The following LHX6 variants were observed in gnomAD, a reference collection of about 807,000 sequenced individuals.
LHX6 encodes LIM/homeobox protein Lhx6.
A neutral mutation model predicts 47.1 loss-of-function variants in LHX6; 15 were observed. The observed-to-expected ratio is 0.32, with a 90% CI of 0.21 to 0.49. The LOEUF is 0.49. Ranked by LOEUF, LHX6 falls within the 20% of genes least tolerant of loss-of-function variation. The pLI, the probability that LHX6 is intolerant of heterozygous loss-of-function variation, is 0.99. For missense variants in LHX6, 404 were observed against 539.6 expected, an observed-to-expected ratio of 0.75 and a Z score of 2.49; for synonymous variants, 242 against 233.5, an observed-to-expected ratio of 1.04 and a Z score of -0.33.
rs761385333 is a variant in LHX6 at position 122,204,837 on chromosome 9, C to T, written c.1159-57G>A. On this transcript the variant is annotated intron_variant, in intron 9 of 9. Coordinates refer to ENST00000394319, the MANE Select transcript of LHX6 (RefSeq NM_014368.5). ...CTGGGGGCCTGCCCCACCCTGCTGC[C>T]CCCCAGAGAACCTCAAAGGCACAGA... 4.7e-4 allele frequency: 600 copies of T among 1,289,272 alleles called. 4 individuals are homozygous for T. Among genetic ancestry groups the T allele is most frequent in the Middle Eastern group, 5.7e-4 (3 of 5,252 alleles). 79.9% of individuals were successfully genotyped at this position (1,289,272 alleles called of 1,614,324 possible).
At chr9:122,212,795 G>C (rs1830444772) in intron 8 of LHX6, among the ~76,000 whole-genome samples, 1 of 152,118 alleles carries the variant, frequency 6.6e-6, no homozygotes, top group Non-Finnish European at 1.5e-5. Context: ...TCCCATGCTG[G>C]AGTGCAAACC....
chr9:122,209,551 T>C, intron 9 of LHX6, 63 bp downstream of exon 9: 1 of 1,608,386 alleles, frequency 6.2e-7, no homozygotes, highest in Non-Finnish European at 8.5e-7. Flanking sequence ...CAGAGGATGC[T>C]GCCAGAAACC....
chr9:122,219,283 A>G (rs72767793), intron 4 of LHX6, among the ~76,000 whole-genome samples: 40,657 of 152,204 alleles, frequency 0.27, 5,775 homozygotes, highest in Admixed American at 0.33. Context: ...ACCCTTCCGC[A>G]GGCGGCGCGG....
Position 122,228,886 on chromosome 9 carries a change from C to T in LHX6, c.-146G>A. 1 of 382,532 alleles carries T rather than the reference C, an allele frequency of 2.6e-6. No homozygotes were observed. The highest frequency in any genetic ancestry group is 4.0e-6 in the Non-Finnish European group (1 of 250,394). The allele number at this position is 382,532 out of a possible 1,614,324, so 23.7% of individuals were successfully genotyped here. ...CGCCGCCCCGGGCCCGGCCTCAGCC[C>T]CCGCCCCCGGCCCGCGCGCAGCCCC... On this transcript the variant is annotated 5_prime_UTR_variant, in exon 1 of 10. Coordinates refer to ENST00000394319, the MANE Select transcript of LHX6 (RefSeq NM_014368.5).
intron 9 of LHX6, among the ~76,000 whole-genome samples, chr9:122,207,605 C>T (rs1335937708): frequency 1.3e-5 from 2 of 152,166 alleles, no homozygotes; most frequent in Non-Finnish European, 2.9e-5. Context: ...TCACTCACTA[C>T]AGATTCTGCA....
At position 122,227,490 on chromosome 9, in the gene LHX6, G is replaced by A. The variant is rs145964887; in HGVS notation, c.85-10C>T. Reference sequence around the variant, plus strand: ...CTGGCTGGGCCATCACCTGGGGGAGGGGGGGAGGGAACGCAGGCGGCGGCG... The same window carrying A: ...CTGGCTGGGCCATCACCTGGGGGAGAGGGGGAGGGAACGCAGGCGGCGGCG... On this transcript the variant is annotated splice_polypyrimidine_tract_variant and intron_variant, in intron 1 of 9. Coordinates refer to ENST00000394319, the MANE Select transcript of LHX6 (RefSeq NM_014368.5). 8.6e-6 allele frequency: 13 copies of A among 1,519,236 alleles called. No individual in the cohort carries two copies. The highest frequency in any genetic ancestry group is 1.8e-4 in the Middle Eastern group (1 of 5,570). The allele number at this position is 1,519,236 out of a possible 1,614,324, so 94.1% of individuals were successfully genotyped here.
intron 4 of LHX6, among the ~76,000 whole-genome samples, chr9:122,222,826 A>G (rs1005731209): frequency 6.6e-6 from 1 of 152,138 alleles, no homozygotes; most frequent in Non-Finnish European, 1.5e-5. Context: ...TGGGATCTCC[A>G]TGCTCCCCCT....
chr9:122,210,208 G>A (rs1037208493), intron 8 of LHX6, among the ~76,000 whole-genome samples: 12 of 143,714 alleles, frequency 8.3e-5, no homozygotes, highest in African/African-American at 2.4e-4. Flanking sequence ...ATGAGCCACC[G>A]TGCCCGGCCA....
chr9:122,204,657 T>C lies in LHX6; in HGVS notation c.*103A>G. 7.1e-7 allele frequency: 1 copy of C among 1,407,680 alleles called. No individual in the cohort carries two copies. The highest frequency in any genetic ancestry group is 9.8e-7 in the Non-Finnish European group (1 of 1,024,906). The allele number at this position is 1,407,680 out of a possible 1,614,324, so 87.2% of individuals were successfully genotyped here. A position where few individuals can be genotyped will look rare whatever the true frequency, so the allele number is the denominator to read the frequency against. The stretch of plus-strand genomic sequence containing the variant: ...GGGCAGGATGGCGGACGGGGGTGGA[T>C]GCGGAGGTGGGTGGACTCCTGGCCG... On this transcript the variant is annotated 3_prime_UTR_variant, in exon 10 of 10. Coordinates refer to ENST00000394319, the MANE Select transcript of LHX6 (RefSeq NM_014368.5).
At chr9:122,208,976 C>G (rs1420606642) in intron 9 of LHX6, among the ~76,000 whole-genome samples, 1 of 152,122 alleles carries the variant, frequency 6.6e-6, no homozygotes, top group Non-Finnish European at 1.5e-5. Context: ...TGTCTTGGAG[C>G]TGGGAGGGAG....
chr9:122,218,730 G>T (rs1477789177), intron 4 of LHX6, among the ~76,000 whole-genome samples: 1 of 151,828 alleles, frequency 6.6e-6, no homozygotes, highest in African/African-American at 2.4e-5. Context: ...TCCTCTTCAG[G>T]CCCATCTCCT....
At chr9:122,223,725 A>C (rs1213868927) in intron 4 of LHX6, among the ~76,000 whole-genome samples, 2 of 152,224 alleles carry the variant, frequency 1.3e-5, no homozygotes, top group Non-Finnish European at 2.9e-5. Flanking sequence ...GAGGCTCTGA[A>C]CAGTGGAGTC....
At chr9:122,211,465 C>T (rs764857423) in intron 8 of LHX6, among the ~76,000 whole-genome samples, 7 of 152,114 alleles carry the variant, frequency 4.6e-5, no homozygotes, top group Non-Finnish European at 8.8e-5. Flanking sequence ...TTTAGTTAAC[C>T]GCAGAGCAAA....
At chr9:122,211,679 AG>A (rs1406801259) in intron 8 of LHX6, among the ~76,000 whole-genome samples, 1 of 152,226 alleles carries the variant, frequency 6.6e-6, no homozygotes, top group Non-Finnish European at 1.5e-5. Context: ...TTCCACCACA[AG>A]GGTAAGAGGA....
chr9:122,227,179 G>T, intron 2 of LHX6, 149 bp from the exon 3 acceptor site: 1 of 821,602 alleles, frequency 1.2e-6, no homozygotes, highest in Non-Finnish European at 1.8e-6. Flanking sequence ...GGGATGGAAG[G>T]GCCTATTGGA....
intron 4 of LHX6, among the ~76,000 whole-genome samples, chr9:122,219,711 G>A (rs559791318): frequency 6.6e-6 from 1 of 152,302 alleles, no homozygotes; most frequent in South Asian, 2.1e-4. Context: ...AGGAGGAATC[G>A]AAGGTTCAGA....
At position 122,226,473 on chromosome 9, in the gene LHX6, G is replaced by T. The variant is rs1564447231; in HGVS notation, c.364C>A (p.Arg122=). 1 of 1,613,462 alleles carries T rather than the reference G, an allele frequency of 6.2e-7. No homozygotes were observed. Among genetic ancestry groups the T allele is most frequent in the Non-Finnish European group, 8.5e-7 (1 of 1,179,902 alleles). Residue 122 remains arginine (R), a synonymous_variant, in exon 4 of 10, where the codon CGG becomes AGG. Coordinates refer to ENST00000394319, the MANE Select transcript of LHX6 (RefSeq NM_014368.5). This position sits in a 1 kb window ranked among gnomAD's most constrained non-coding sequence, Gnocchi z 6.5. ...CGACACACGGAGCACTCGAGGCACC[G>T]CACGTGCCAGATGAGGTTGTTGACC... is the stretch of plus-strand genomic sequence containing the variant. ...LKVNNLIWHV[R]CLECSVCRTS... is the part of the protein sequence containing the mutation.
At chr9:122,215,013 T>G (rs1030677753) in intron 5 of LHX6, among the ~76,000 whole-genome samples, 1 of 152,236 alleles carries the variant, frequency 6.6e-6, no homozygotes, top group South Asian at 2.1e-4. Context: ...ATGTTAGATA[T>G]TCTCTTTCCA....
At chr9:122,221,719 A>T (rs2118894609) in intron 4 of LHX6, 1 of 985,498 alleles carries the variant, frequency 1.0e-6, no homozygotes, top group Non-Finnish European at 1.2e-6. Context: ...GTGTTGCAAG[A>T]TCACCCAGGG....
Sources: allele counts gnomAD v4.1 joint callset (sites outside exome capture counted in the v4.1 genomes callset), GRCh38; gene constraint gnomAD v4.1.1; non-coding constraint Gnocchi (gnomAD v3.1); transcripts MANE v1.5; gene names NCBI Gene and HGNC (gene_info 2026-07-23, HGNC 2026-07-21).